PAPSS1: variants seen among roughly 807,000 people sequenced by gnomAD.
PAPSS1 encodes 3'-phosphoadenosine 5'-phosphosulfate synthase 1.
In PAPSS1, 50 loss-of-function variants were observed where a neutral mutation model predicts 72.0. The ratio of observed to expected loss-of-function variants is 0.69; its 90% CI spans 0.55 to 0.88. PAPSS1 has a LOEUF of 0.88. Among genes scored for constraint, PAPSS1 ranks in the 40% least tolerant of loss-of-function variants. The probability of loss-of-function intolerance (pLI) is 0.00; values close to 1 mark genes in which losing one functional copy is unlikely to be tolerated. For synonymous variants in PAPSS1, 261 were observed against 263.6 expected, an observed-to-expected ratio of 0.99 and a Z score of 0.09; for missense variants, 657 against 782.2, an observed-to-expected ratio of 0.84 and a Z score of 1.91.
chr4:107,702,242 T>C (rs1195044350), intron 1 of PAPSS1, among the ~76,000 whole-genome samples: 1 of 152,128 alleles, frequency 6.6e-6, no homozygotes, highest in Non-Finnish European at 1.5e-5. Context: ...GCGAAAATAG[T>C]AGTCATTTTG....
intron 10 of PAPSS1, among the ~76,000 whole-genome samples, chr4:107,635,371 G>C (rs1726345948): frequency 2.0e-5 from 3 of 152,142 alleles, no homozygotes; most frequent in Non-Finnish European, 4.4e-5. Context: ...TACATTTGCT[G>C]ATCTTTTTTC....
chr4:107,672,803 G>GC (rs1244317874), intron 5 of PAPSS1, among the ~76,000 whole-genome samples: 1 of 152,190 alleles, frequency 6.6e-6, no homozygotes, highest in Non-Finnish European at 1.5e-5. Flanking sequence ...TAACTGGGAG[G>GC]CACCCCCCAG....
At chr4:107,679,839 T>C (rs888690401) in intron 5 of PAPSS1, among the ~76,000 whole-genome samples, 3 of 151,894 alleles carry the variant, frequency 2.0e-5, no homozygotes, top group Admixed American at 1.3e-4. Context: ...AATGAAAAAG[T>C]GGACAGCATG....
intron 4 of PAPSS1, among the ~76,000 whole-genome samples, chr4:107,683,228 T>C (rs1419097147): frequency 1.3e-5 from 2 of 152,118 alleles, no homozygotes; most frequent in Non-Finnish European, 2.9e-5. Flanking sequence ...AAATATATAC[T>C]ACAAACCTAC....
chr4:107,659,026 T>C (rs970624098), intron 6 of PAPSS1, among the ~76,000 whole-genome samples: 2 of 152,230 alleles, frequency 1.3e-5, no homozygotes, highest in African/African-American at 2.4e-5. Context: ...TTCATTCTCA[T>C]TCTTCTTCTC....
chr4:107,720,163 C>A lies in PAPSS1; in HGVS notation c.17G>T (p.Ser6Ile), dbSNP rs1723744735. 1.2e-6 allele frequency: 2 copies of A among 1,604,562 alleles called. No individual in the cohort carries two copies. The highest frequency in any genetic ancestry group is 1.7e-6 in the Non-Finnish European group (2 of 1,176,066). Residue 6 changes from serine (S) to isoleucine (I), a missense_variant, in exon 1 of 12, where the codon AGC becomes ATC. Ser to Ile is a moderately radical substitution (Grantham distance 142). Coordinates refer to ENST00000265174, the MANE Select transcript of PAPSS1 (RefSeq NM_005443.5). The stretch of plus-strand genomic sequence containing the variant: ...GCTCAGTTTGACTTTCTTGCACAGG[C>A]TCCCGGGGATCTCCATGACCGCGGA... MEIPG[S>I]LCKKVKLSNN...
intron 1 of PAPSS1, among the ~76,000 whole-genome samples, chr4:107,713,151 T>C (rs948936454): frequency 1.3e-5 from 2 of 151,982 alleles, no homozygotes; most frequent in African/African-American, 2.4e-5. Context: ...GGTTTCACCA[T>C]GTTGGCCAGG....
intron 5 of PAPSS1, among the ~76,000 whole-genome samples, chr4:107,661,748 G>T (rs1727187491): frequency 6.6e-6 from 1 of 152,024 alleles, no homozygotes. Flanking sequence ...TTTTCCTGAG[G>T]AATAGATGAC....
Position 107,623,022 on chromosome 4 carries a change from C to A in PAPSS1, c.1736+8609G>T, listed in dbSNP as rs573553756. Among the ~76,000 whole-genome samples the A allele has an allele frequency of 5.3e-5, 8 of 152,332 alleles. No homozygotes were observed. The South Asian group carries it at 1.7e-3, about 32-fold the overall frequency. On this transcript the variant is annotated intron_variant, in intron 11 of 11. Transcript: ENST00000265174. Reference sequence around the variant, plus strand: ...CTACTGACTGTGCCTCCTGAAGATGCTTTGAAGTCAAGCCACTTCCTCCAG... The same window carrying A: ...CTACTGACTGTGCCTCCTGAAGATGATTTGAAGTCAAGCCACTTCCTCCAG...
intron 5 of PAPSS1, among the ~76,000 whole-genome samples, chr4:107,666,955 T>A (rs1727335217): frequency 6.6e-6 from 1 of 152,114 alleles, no homozygotes; most frequent in Admixed American, 6.6e-5. Flanking sequence ...TCAATGTGCC[T>A]TTGGAGTGCT....
At chr4:107,685,727 GGAACCTGACCTAA>G (rs1722766392) in intron 4 of PAPSS1, among the ~76,000 whole-genome samples, 1 of 152,142 alleles carries the variant, frequency 6.6e-6, no homozygotes, top group Non-Finnish European at 1.5e-5. Flanking sequence ...TACAGCAGAT[GGAACCTGACCTAA>G]TTGCCAAAGC....
chr4:107,648,840 G>A (rs565152384), intron 9 of PAPSS1, among the ~76,000 whole-genome samples: 5 of 152,264 alleles, frequency 3.3e-5, no homozygotes, highest in Non-Finnish European at 7.4e-5. Context: ...CCTCCCTTGG[G>A]ATTATCATAA....
intron 5 of PAPSS1, among the ~76,000 whole-genome samples, chr4:107,676,199 G>A (rs1391925669): frequency 6.6e-6 from 1 of 152,128 alleles, no homozygotes. Context: ...TCAGGCAGGA[G>A]AAGGAAATAA....
chr4:107,652,797 T>C (rs532321671), intron 9 of PAPSS1, among the ~76,000 whole-genome samples: 67 of 152,336 alleles, frequency 4.4e-4, no homozygotes, highest in African/African-American at 1.4e-3. Context: ...TCTGTAATTC[T>C]ATACCAAAAA....
chr4:107,657,888 G>A (rs1727063353), intron 6 of PAPSS1, among the ~76,000 whole-genome samples: 1 of 152,134 alleles, frequency 6.6e-6, no homozygotes, highest in Non-Finnish European at 1.5e-5. Flanking sequence ...ACCTTTATCT[G>A]TAAAGCTGCA....
chr4:107,687,975 CAAAAA>C (rs11305780), intron 3 of PAPSS1, among the ~76,000 whole-genome samples: 1 of 127,154 alleles, frequency 7.9e-6, no homozygotes, highest in African/African-American at 3.0e-5. Flanking sequence ...CTTCATGTTT[CAAAAA>C]AAAAAAAAAA....
chr4:107,645,485 A>G (rs1255146872), intron 9 of PAPSS1, among the ~76,000 whole-genome samples: 2 of 152,230 alleles, frequency 1.3e-5, no homozygotes, highest in Non-Finnish European at 2.9e-5. Context: ...ATAATGCTTT[A>G]CTAAGGGAGA....
chr4:107,655,550 A>C (rs1376149259), intron 7 of PAPSS1, among the ~76,000 whole-genome samples: 3 of 152,250 alleles, frequency 2.0e-5, no homozygotes, highest in Non-Finnish European at 4.4e-5. Flanking sequence ...GCAACCTTGC[A>C]AGCTATAAAA....
intron 11 of PAPSS1, among the ~76,000 whole-genome samples, chr4:107,617,468 A>G (rs1345921905): frequency 1.3e-5 from 2 of 152,212 alleles, no homozygotes; most frequent in African/African-American, 4.8e-5. Context: ...TATGATATGA[A>G]TATAAACTAG....
Sources: allele counts gnomAD v4.1 joint callset (sites outside exome capture counted in the v4.1 genomes callset), GRCh38; gene constraint gnomAD v4.1.1; transcripts MANE v1.5; gene names NCBI Gene and HGNC (gene_info 2026-07-23, HGNC 2026-07-21).